DNAI3: variants seen among roughly 807,000 people sequenced by gnomAD.
DNAI3 encodes the protein dynein axonemal intermediate chain 3.
A neutral mutation model predicts 115.5 loss-of-function variants in DNAI3; 83 were observed. That is an observed-to-expected ratio of 0.72 (90% CI 0.60 to 0.86). The LOEUF (loss-of-function observed/expected upper bound fraction) is 0.86. Ranked by LOEUF, DNAI3 falls within the 40% of genes least tolerant of loss-of-function variation. DNAI3 has a pLI of 0.00. For missense variants in DNAI3, 1,004 were observed against 1,075.8 expected (o/e 0.93, Z 0.93); for synonymous variants, 320 against 347.0 (o/e 0.92, Z 0.86).
chr1:85,088,597 C>T (rs1654865339), intron 7 of DNAI3, among the ~76,000 whole-genome samples: 1 of 152,154 alleles, frequency 6.6e-6, no homozygotes, highest in Non-Finnish European at 1.5e-5. Context: ...GTGCTTTACA[C>T]ACATCAATTC....
chr1:85,121,835 G>A (rs768243366), intron 18 of DNAI3, 21 bp downstream of exon 18: 6 of 1,612,634 alleles, frequency 3.7e-6, no homozygotes, highest in Non-Finnish European at 5.1e-6. Context: ...TGATTGCCCT[G>A]TTATTAATAA....
intron 11 of DNAI3, among the ~76,000 whole-genome samples, chr1:85,096,666 T>G (rs922361164): frequency 3.9e-5 from 6 of 152,076 alleles, no homozygotes; most frequent in African/African-American, 1.4e-4. Flanking sequence ...TGGTCAAGGT[T>G]TAAATTCATT....
At chr1:85,097,691 T>G (rs772683480) in intron 12 of DNAI3, 36 bp downstream of exon 12, 3 of 1,575,162 alleles carry the variant, frequency 1.9e-6, no homozygotes, top group Non-Finnish European at 2.6e-6. Context: ...GCAAGTTTTT[T>G]CCATTGAAGA....
At chr1:85,099,330 C>G in intron 13 of DNAI3, 1 of 962,388 alleles carries the variant, frequency 1.0e-6, no homozygotes, top group Non-Finnish European at 1.2e-6. Context: ...ATTCTATACA[C>G]CAATAACAGA....
At chr1:85,094,738 T>C (rs954098620) in intron 10 of DNAI3, among the ~76,000 whole-genome samples, 183 bp downstream of exon 10, 5 of 152,246 alleles carry the variant, frequency 3.3e-5, no homozygotes, top group African/African-American at 1.2e-4. Flanking sequence ...GTTTACAATT[T>C]GTTTATTGAA....
At chr1:85,079,874 C>A (rs1046438699) in intron 3 of DNAI3, among the ~76,000 whole-genome samples, 6 of 152,064 alleles carry the variant, frequency 3.9e-5, no homozygotes, top group African/African-American at 1.4e-4. Flanking sequence ...GAAAGGGATT[C>A]CCTACCCACT....
intron 13 of DNAI3, among the ~76,000 whole-genome samples, 196 bp from the exon 14 acceptor site, chr1:85,104,328 G>A (rs1321897274): frequency 6.6e-6 from 1 of 152,092 alleles, no homozygotes; most frequent in African/African-American, 2.4e-5. Context: ...CACCGTGTTA[G>A]CCAGAATGGT....
chr1:85,085,743 G>T lies in DNAI3; in HGVS notation c.541-88G>T, dbSNP rs2100571905. ...AGGTGCTCACAGAAAGTGCACAAAGGGCTCTGAGTGGATCTGAGCAGAGTA... is the reference window on the plus strand; with the variant it reads ...AGGTGCTCACAGAAAGTGCACAAAGTGCTCTGAGTGGATCTGAGCAGAGTA... On this transcript the variant is annotated intron_variant, in intron 6 of 22. Transcript: ENST00000294664. 3 of 1,076,084 alleles carry T rather than the reference G, an allele frequency of 2.8e-6. No individual in the cohort carries two copies. In the East Asian group the frequency reaches 7.6e-5, roughly 27 times the overall value. 66.7% of individuals were successfully genotyped at this position (1,076,084 alleles called of 1,614,324 possible). A position where few individuals can be genotyped will look rare whatever the true frequency, so the allele number is the denominator to read the frequency against.
intron 8 of DNAI3, among the ~76,000 whole-genome samples, chr1:85,091,977 T>C (rs74098034): frequency 0.031 from 4,753 of 152,320 alleles, 200 homozygotes; most frequent in African/African-American, 0.095. Flanking sequence ...CATTTGGGCT[T>C]AACCAGAAAG....
intron 1 of DNAI3, among the ~76,000 whole-genome samples, chr1:85,064,853 C>T (rs368604543): frequency 7.2e-5 from 11 of 152,014 alleles, no homozygotes; most frequent in African/African-American, 2.7e-4. Flanking sequence ...GCCAACATGG[C>T]AAAACCCCAT....
At chr1:85,090,072 C>G in intron 7 of DNAI3, 44 bp from the exon 8 acceptor site, 1 of 1,106,720 alleles carries the variant, frequency 9.0e-7, no homozygotes, top group South Asian at 2.1e-5. Context: ...ATTTGCTCTT[C>G]TTTGACCTAA....
rs1203595928 is a variant in DNAI3 at position 85,073,149 on chromosome 1, G to T, written c.103+57G>T. 4 of 1,281,366 alleles carry T rather than the reference G, an allele frequency of 3.1e-6. No homozygotes were observed. In the African/African-American group the frequency reaches 6.1e-5, roughly 19 times the overall value. The allele number at this position is 1,281,366 out of a possible 1,614,324, so 79.4% of individuals were successfully genotyped here. The stretch of plus-strand genomic sequence containing the variant: ...CTCAGTTTTATAATATTTTAATAAT[G>T]CAATAAGCAAGCAGGAATACTACAA... On this transcript the variant is annotated intron_variant, in intron 3 of 22. Coordinates refer to ENST00000294664, the MANE Select transcript of DNAI3 (RefSeq NM_145172.5).
At chr1:85,129,936 A>C in intron 21 of DNAI3, 54 bp from the exon 22 acceptor site, 1 of 1,558,106 alleles carries the variant, frequency 6.4e-7, no homozygotes, top group South Asian at 1.3e-5. Context: ...AGCCTTGTAA[A>C]GGTCATGGGG....
intron 13 of DNAI3, among the ~76,000 whole-genome samples, chr1:85,101,035 A>G (rs1233752188): frequency 6.6e-6 from 1 of 152,050 alleles, no homozygotes; most frequent in African/African-American, 2.4e-5. Context: ...TGACGAGTGA[A>G]TGGGTGCAGC....
chr1:85,122,850 T>C (rs190503782), intron 18 of DNAI3, among the ~76,000 whole-genome samples: 1 of 152,146 alleles, frequency 6.6e-6, no homozygotes, highest in Non-Finnish European at 1.5e-5. Context: ...GGGCATAGGG[T>C]TGTGGGCAAC....
chr1:85,099,523 A>AC (rs2100587537), intron 13 of DNAI3, among the ~76,000 whole-genome samples: 2 of 152,360 alleles, frequency 1.3e-5, no homozygotes, highest in South Asian at 2.1e-4. Context: ...GATAGGAAGA[A>AC]TCAATATCGT....
At position 85,086,005 on chromosome 1, in the gene DNAI3, A is replaced by C. The variant is rs546028530; in HGVS notation, c.715A>C (p.Lys239Gln). Residue 239 changes from lysine (K) to glutamine (Q), a missense_variant, in exon 7 of 23, where the codon AAG becomes CAG. Lys to Gln is a moderately conservative substitution (Grantham distance 53, BLOSUM62 1). This residue lies in a region of DNAI3 where 550 missense variants were observed against 568.1 expected (regional missense o/e 0.97). Transcript: ENST00000294664. ...TGGCATGCAAGTAATCCCCCAAATA[A>C]AGGACATAAGCACTCAGACAAAATG... ...DVGMQVIPQI[K>Q]DISTQTKWTY... 8 of 1,614,080 alleles carry C rather than the reference A, an allele frequency of 5.0e-6. No homozygotes were observed. Among genetic ancestry groups the C allele is most frequent in the Non-Finnish European group, 6.8e-6 (8 of 1,179,978 alleles).
At chr1:85,115,354 C>T (rs1452983521) in intron 16 of DNAI3, among the ~76,000 whole-genome samples, 1 of 152,212 alleles carries the variant, frequency 6.6e-6, no homozygotes, top group Non-Finnish European at 1.5e-5. Context: ...CTCTAAGCCT[C>T]AGTTTACTCA....
chr1:85,099,025 C>G (rs1033988264), intron 13 of DNAI3, among the ~76,000 whole-genome samples: 10 of 152,200 alleles, frequency 6.6e-5, no homozygotes, highest in Non-Finnish European at 1.2e-4. Context: ...CCCTAAAGAT[C>G]TGTGGCATAC....
Sources: allele counts gnomAD v4.1 joint callset (sites outside exome capture counted in the v4.1 genomes callset), GRCh38; gene constraint gnomAD v4.1.1; regional missense constraint gnomAD v4.1.1; transcripts MANE v1.5; gene names NCBI Gene and HGNC (gene_info 2026-07-23, HGNC 2026-07-21).